The following TMEM25 variants were observed in gnomAD, a reference collection of about 807,000 sequenced individuals.
The protein encoded by TMEM25 is 0610039J01Rik.
In TMEM25, 36 loss-of-function variants were observed where a neutral mutation model predicts 37.0. The ratio of observed to expected loss-of-function variants is 0.97; its 90% confidence interval spans 0.75 to 1.28. The LOEUF is 1.28. Ranked by LOEUF, TMEM25 falls within the 50% of genes most tolerant of loss-of-function variation. The pLI is 0.00. For synonymous variants in TMEM25, 197 were observed against 203.7 expected, an observed-to-expected ratio of 0.97 and a Z score of 0.28; for missense variants, 444 against 477.9, an observed-to-expected ratio of 0.93 and a Z score of 0.66.
At chr11:118,539,546 CTTATGT>C (rs1235582579), downstream of TMEM25, among the ~76,000 whole-genome samples, 5 of 151,870 alleles carry the variant, frequency 3.3e-5, no homozygotes, top group Admixed American at 1.3e-4. Flanking sequence ...AGTTTCAGGT[CTTATGT>C]TTAAGTCTTT....
rs190133284 is a variant in TMEM25 at position 118,541,636 on chromosome 11, C to T, written c.1028-4483C>T. Among the ~76,000 whole-genome samples, 1,235 of 152,068 alleles carry T rather than the reference C, an allele frequency of 8.1e-3. 11 individuals are homozygous for T. The highest frequency in any genetic ancestry group is 0.024 in the Middle Eastern group (7 of 294). ...CAGGGTACATGTGCAGGATTGTTACCTGGTATCACACCAGGTAGTGAGCAT... is the reference window on the plus strand; with the variant it reads ...CAGGGTACATGTGCAGGATTGTTACTTGGTATCACACCAGGTAGTGAGCAT... On this transcript the variant is annotated intron_variant, in intron 8 of 8. Coordinates refer to the TMEM25 transcript ENST00000354284.
downstream of TMEM25, among the ~76,000 whole-genome samples, chr11:118,537,513 A>G (rs1429624971): frequency 6.6e-6 from 1 of 152,212 alleles, no homozygotes; most frequent in Non-Finnish European, 1.5e-5. Context: ...ATTTATTCCA[A>G]CTATATGTTT....
intron 8 of TMEM25, among the ~76,000 whole-genome samples, chr11:118,540,883 A>G (rs1370692508): frequency 2.0e-5 from 3 of 152,198 alleles, no homozygotes; most frequent in African/African-American, 7.2e-5. Context: ...CTCCATTTAT[A>G]TGAAATGTCC....
At chr11:118,536,801 T>G (rs1951515727), downstream of TMEM25, among the ~76,000 whole-genome samples, 1 of 152,014 alleles carries the variant, frequency 6.6e-6, no homozygotes, top group South Asian at 2.1e-4. Context: ...GGGATGTGAT[T>G]TTTTTTTGTA....
intron 8 of TMEM25, chr11:118,544,768 C>T: frequency 1.6e-6 from 1 of 631,438 alleles, no homozygotes; most frequent in South Asian, 1.9e-5. Flanking sequence ...TGTTCTGTGC[C>T]CTCTGGCAGA....
intron 5 of TMEM25, 51 bp from the exon 6 acceptor site, chr11:118,533,806 C>CTGAA: frequency 6.2e-7 from 1 of 1,613,322 alleles, no homozygotes; most frequent in Non-Finnish European, 8.5e-7. Context: ...TAGGACAGCC[C>CTGAA]AGCGTGGGAG....
At chr11:118,546,025 A>T in intron 8 of TMEM25, 1 of 712,282 alleles carries the variant, frequency 1.4e-6, no homozygotes, top group Non-Finnish European at 2.6e-6. Flanking sequence ...TCAGAATGTG[A>T]CTATATTTGG....
chr11:118,532,482 C>T (rs782441594), intron 3 of TMEM25, 21 bp downstream of exon 3: 1 of 1,590,478 alleles, frequency 6.3e-7, no homozygotes, highest in South Asian at 1.1e-5. Context: ...CTGAGGTGGG[C>T]AGGGAGATAG....
At chr11:118,544,875 A>G in intron 8 of TMEM25, 1 of 1,408,334 alleles carries the variant, frequency 7.1e-7, no homozygotes, top group Non-Finnish European at 1.0e-6. Flanking sequence ...GCTGGGGCAG[A>G]GGGGCCAGCT....
chr11:118,531,810 G>A lies in TMEM25; in HGVS notation c.9G>A (p.Leu3=). Residue 3 remains leucine (L), a synonymous_variant, in exon 2 of 9, where the codon CTG becomes CTA. Transcript: ENST00000313236. The part of the protein sequence containing the change: MA[L]PPGPAALRHT... ...CCTAGGCCCGGGCCACCATGGCGCTGCCTCCAGGCCCAGCCGCCCTCCGGC... is the reference window on the plus strand; with the variant it reads ...CCTAGGCCCGGGCCACCATGGCGCTACCTCCAGGCCCAGCCGCCCTCCGGC... The A allele has an allele frequency of 1.3e-6, 2 of 1,550,864 alleles. No individual in the cohort carries two copies. Among genetic ancestry groups the A allele is most frequent in the Non-Finnish European group, 1.7e-6 (2 of 1,146,910 alleles).
At chr11:118,536,463 G>T (rs1555063567), downstream of TMEM25, among the ~76,000 whole-genome samples, 1 of 152,180 alleles carries the variant, frequency 6.6e-6, no homozygotes, top group African/African-American at 2.4e-5. Context: ...AAAGTGCTGG[G>T]ATTACAGGCA....
chr11:118,535,380 T>G lies in TMEM25; in HGVS notation c.*800T>G, dbSNP rs1951483655. 1.4e-6 allele frequency: 2 copies of G among 1,417,038 alleles called. No individual in the cohort carries two copies. Among genetic ancestry groups the G allele is most frequent in the Non-Finnish European group, 1.8e-6 (2 of 1,089,118 alleles). The allele number at this position is 1,417,038 out of a possible 1,614,324, so 87.8% of individuals were successfully genotyped here. A position where few individuals can be genotyped will look rare whatever the true frequency, so the allele number is the denominator to read the frequency against. ...TCATTTTCCTACGGCGTTAGCACTTTAAGCACATCCCCTAGGGGAGGGGGT... is the reference window on the plus strand; with the variant it reads ...TCATTTTCCTACGGCGTTAGCACTTGAAGCACATCCCCTAGGGGAGGGGGT... On this transcript the variant is annotated 3_prime_UTR_variant, in exon 9 of 9. Transcript: ENST00000313236.
chr11:118,536,982 C>T (rs1389552314), downstream of TMEM25, among the ~76,000 whole-genome samples: 2 of 152,112 alleles, frequency 1.3e-5, no homozygotes, highest in East Asian at 3.9e-4. Context: ...TCAAGGGATC[C>T]TCCCACCTCA....
chr11:118,538,184 T>G, downstream of TMEM25, among the ~76,000 whole-genome samples: 1 of 152,150 alleles, frequency 6.6e-6, no homozygotes, highest in South Asian at 2.1e-4. Context: ...ATTTGTTTAT[T>G]TTTTTGAGAC....
downstream of TMEM25, among the ~76,000 whole-genome samples, chr11:118,537,928 G>A (rs1165584587): frequency 1.3e-5 from 2 of 151,958 alleles, no homozygotes; most frequent in Non-Finnish European, 2.9e-5. Context: ...GTGTGTACCT[G>A]TAGTGCCAGC....
At position 118,533,457 on chromosome 11, in the gene TMEM25, C is replaced by T. The variant is rs1555060902; in HGVS notation, c.711C>T (p.Gly237=). 4.3e-6 allele frequency: 7 copies of T among 1,614,122 alleles called. No individual in the cohort carries two copies. The highest frequency in any genetic ancestry group is 5.9e-6 in the Non-Finnish European group (7 of 1,180,010). Residue 237 remains glycine (G), a synonymous_variant, in exon 5 of 9, where the codon GGC becomes GGT. Transcript: ENST00000313236. The part of the protein sequence containing the change: ...LATRVEVPLL[G]IVVAAGLALG... ...CCCGGGTGGAAGTGCCACTGCTGGG[C>T]ATTGTTGTGGCTGCTGGGCTTGCAC...
chr11:118,531,517 G>T (rs1479895995), intron 1 of TMEM25: 1 of 545,244 alleles, frequency 1.8e-6, no homozygotes, highest in Non-Finnish European at 3.3e-6. Context: ...TTGCTTCTGC[G>T]TATCTGCGGG....
downstream of TMEM25, chr11:118,546,772 G>C (rs1163133827): frequency 1.3e-5 from 2 of 152,758 alleles, no homozygotes; most frequent in Non-Finnish European, 2.9e-5. Context: ...TTATGGGCAA[G>C]TATTAACAGT....
At chr11:118,533,303 G>A in intron 4 of TMEM25, 96 bp downstream of exon 4, 1 of 1,567,984 alleles carries the variant, frequency 6.4e-7, no homozygotes, top group Non-Finnish European at 8.6e-7. Flanking sequence ...CCTGTGGTTG[G>A]GTCTTGTGGA....
Sources: allele counts gnomAD v4.1 joint callset (sites outside exome capture counted in the v4.1 genomes callset), GRCh38; gene constraint gnomAD v4.1.1; transcripts MANE v1.5; gene names NCBI Gene and HGNC (gene_info 2026-07-23, HGNC 2026-07-21).